TMEM117: variants seen among roughly 807,000 people sequenced by gnomAD.
The protein encoded by TMEM117 is transmembrane protein 117.
A neutral mutation model predicts 52.4 loss-of-function variants in TMEM117; 27 were observed. That is an observed-to-expected ratio of 0.51 (90% CI 0.38 to 0.71). The LOEUF (loss-of-function observed/expected upper bound fraction) is 0.71, where lower values mean the gene tolerates loss of function less well. TMEM117 is among the 30% of genes least tolerant of loss of function. The pLI is 0.00. For missense variants in TMEM117, 556 were observed against 630.5 expected (o/e 0.88, Z 1.26); for synonymous variants, 215 against 206.3 (o/e 1.04, Z -0.36).
At chr12:43,806,051 G>A in the TMEM117 span, 3 of 1,518,542 alleles carry the variant, frequency 2.0e-6, no homozygotes, top group Middle Eastern at 3.9e-4. Context: ...ACGCAGGCCG[G>A]CAGCGCCCGG....
intron 3 of TMEM117, among the ~76,000 whole-genome samples, chr12:44,130,188 A>T (rs562814821): frequency 5.9e-5 from 9 of 152,228 alleles, no homozygotes; most frequent in Non-Finnish European, 1.3e-4. Flanking sequence ...GAAATAATCT[A>T]CCTGCATAAA....
At chr12:44,038,466 T>A (rs1197166732) in intron 3 of TMEM117, among the ~76,000 whole-genome samples, 2 of 152,204 alleles carry the variant, frequency 1.3e-5, no homozygotes, top group African/African-American at 4.8e-5. Flanking sequence ...CCAGTGTGCA[T>A]GGCTGTGCGC....
intron 6 of TMEM117, among the ~76,000 whole-genome samples, chr12:44,303,173 A>G (rs549493118): frequency 2.0e-5 from 3 of 151,678 alleles, no homozygotes; most frequent in Admixed American, 6.6e-5. Flanking sequence ...CCTCCCAGGT[A>G]GCTGGGATTA....
At chr12:44,321,681 T>C (rs1370966323) in intron 6 of TMEM117, among the ~76,000 whole-genome samples, 1 of 151,780 alleles carries the variant, frequency 6.6e-6, no homozygotes, top group East Asian at 1.9e-4. Flanking sequence ...TATATTATGA[T>C]GGGTGAAAAA....
At chr12:44,004,050 G>A (rs916643266) in intron 3 of TMEM117, among the ~76,000 whole-genome samples, 8 of 152,116 alleles carry the variant, frequency 5.3e-5, no homozygotes, top group African/African-American at 1.9e-4. Flanking sequence ...ATCTGAACTT[G>A]GAATAACAAA....
intron 2 of TMEM117, among the ~76,000 whole-genome samples, chr12:43,892,943 A>T (rs1286392712): frequency 6.6e-6 from 1 of 152,190 alleles, no homozygotes; most frequent in African/African-American, 2.4e-5. Context: ...TTTATCATAG[A>T]CTTAAGGGAA....
intron 2 of TMEM117, among the ~76,000 whole-genome samples, chr12:43,875,688 C>G (rs758813395): frequency 1.6e-4 from 25 of 152,154 alleles, no homozygotes; most frequent in Non-Finnish European, 3.2e-4. Context: ...TGGGACAGGG[C>G]CTAGAACAAA....
intron 4 of TMEM117, among the ~76,000 whole-genome samples, chr12:44,156,652 C>A (rs953468127): frequency 2.0e-5 from 3 of 151,986 alleles, no homozygotes; most frequent in Admixed American, 6.6e-5. Context: ...TGGACATATT[C>A]TATGTCAAAA....
intron 5 of TMEM117, among the ~76,000 whole-genome samples, chr12:44,223,660 G>A (rs1345828427): frequency 6.6e-6 from 1 of 152,086 alleles, no homozygotes; most frequent in Non-Finnish European, 1.5e-5. Context: ...TTAAACCAAA[G>A]CACCCTCTTC....
intron 2 of TMEM117, among the ~76,000 whole-genome samples, chr12:43,848,038 T>A (rs1943241542): frequency 6.6e-6 from 1 of 151,088 alleles, no homozygotes; most frequent in South Asian, 2.1e-4. Flanking sequence ...GAACAGAGAG[T>A]AGGTACAAAG....
chr12:43,916,543 A>G (rs1345257379), intron 2 of TMEM117, among the ~76,000 whole-genome samples: 1 of 152,194 alleles, frequency 6.6e-6, no homozygotes, highest in Admixed American at 6.5e-5. Context: ...GTACCACCAT[A>G]TTTAGTTGAA....
intron 3 of TMEM117, among the ~76,000 whole-genome samples, chr12:43,962,818 G>C (rs929658001): frequency 7.9e-5 from 12 of 151,878 alleles, no homozygotes; most frequent in Admixed American, 7.9e-4. Flanking sequence ...GTCCCAGCTA[G>C]TTGGGAGGCT....
intron 2 of TMEM117, among the ~76,000 whole-genome samples, chr12:43,882,341 T>A (rs1157541100): frequency 6.7e-6 from 1 of 150,080 alleles, no homozygotes; most frequent in East Asian, 2.0e-4. Flanking sequence ...GCACCTGTAA[T>A]CCCAGCTACT....
chr12:44,206,652 G>C (rs1252015280), intron 4 of TMEM117, among the ~76,000 whole-genome samples: 1 of 152,178 alleles, frequency 6.6e-6, no homozygotes, highest in Non-Finnish European at 1.5e-5. Flanking sequence ...ATGAAATCAT[G>C]TCCTTTGCAG....
the TMEM117 span, chr12:43,797,309 C>A: frequency 6.3e-7 from 1 of 1,592,454 alleles, no homozygotes; most frequent in African/African-American, 1.4e-5. Context: ...TACCTATGGA[C>A]TCTAAATAGT....
intron 6 of TMEM117, among the ~76,000 whole-genome samples, chr12:44,315,170 A>G (rs372880158): frequency 3.5e-5 from 5 of 143,738 alleles, no homozygotes; most frequent in Non-Finnish European, 6.1e-5. Flanking sequence ...CTAGCAGTCT[A>G]TCTGTCTTGT....
chr12:44,289,667 C>T (rs868313715), intron 5 of TMEM117, among the ~76,000 whole-genome samples: 3 of 151,596 alleles, frequency 2.0e-5, no homozygotes, highest in Non-Finnish European at 2.9e-5. Flanking sequence ...ATTCTCCTGC[C>T]TCAGCCTCCC....
the TMEM117 span, among the ~76,000 whole-genome samples, chr12:43,800,711 A>T: frequency 6.6e-6 from 1 of 152,202 alleles, no homozygotes; most frequent in African/African-American, 2.4e-5. Flanking sequence ...GGGCATCTAA[A>T]CTATCAATGG....
chr12:44,048,665 A>C (rs1455790079), intron 3 of TMEM117, among the ~76,000 whole-genome samples: 1 of 152,134 alleles, frequency 6.6e-6, no homozygotes, highest in Admixed American at 6.6e-5. Flanking sequence ...AGTATGTTCA[A>C]CTCCTAGTAA....
Sources: gnomAD v4.1 joint callset for allele counts (sites outside exome capture counted in the v4.1 genomes callset) on GRCh38, gnomAD v4.1.1 for gene constraint, MANE v1.5 for transcripts, NCBI Gene and HGNC (gene_info 2026-07-23, HGNC 2026-07-21) for gene names.